Variants in BANK1 observed in about 807,000 individuals in gnomAD.
The protein encoded by BANK1 is B-cell scaffold protein with ankyrin repeats.
Under a neutral mutation model 94.5 loss-of-function variants are expected in BANK1, and 95 were observed. That is an observed-to-expected ratio of 1.00 (90% CI 0.85 to 1.19). The LOEUF is 1.19. Among genes scored for constraint, BANK1 ranks in the 50% most tolerant of loss-of-function variants. The probability of loss-of-function intolerance (pLI) is 0.00; values close to 1 mark genes in which losing one functional copy is unlikely to be tolerated. For synonymous variants in BANK1, 334 were observed against 308.4 expected, an observed-to-expected ratio of 1.08 and a Z score of -0.87; for missense variants, 987 against 932.2, an observed-to-expected ratio of 1.06 and a Z score of -0.77.
intron 7 of BANK1, among the ~76,000 whole-genome samples, chr4:101,969,194 C>A (rs1724866380): frequency 6.6e-6 from 1 of 152,006 alleles, no homozygotes; most frequent in Non-Finnish European, 1.5e-5. Context: ...TGAACTATAG[C>A]TTTCTCTATA....
At chr4:101,900,601 A>G (rs1365698442) in intron 6 of BANK1, among the ~76,000 whole-genome samples, 1 of 152,174 alleles carries the variant, frequency 6.6e-6, no homozygotes, top group Non-Finnish European at 1.5e-5. Flanking sequence ...ATTGTGGGAC[A>G]TACTGATAGA....
intron 12 of BANK1, among the ~76,000 whole-genome samples, chr4:102,060,889 C>G (rs568983934): frequency 6.6e-6 from 1 of 152,254 alleles, no homozygotes; most frequent in African/African-American, 2.4e-5. Flanking sequence ...AAAATAAGCT[C>G]ATCTTCTGTA....
chr4:101,834,420 A>G (rs900999905), intron 2 of BANK1, among the ~76,000 whole-genome samples: 3 of 152,202 alleles, frequency 2.0e-5, no homozygotes, highest in Non-Finnish European at 2.9e-5. Context: ...CAAGAATGCA[A>G]CCAGAAGCAT....
At chr4:102,035,088 T>C in intron 10 of BANK1, among the ~76,000 whole-genome samples, 1 of 152,090 alleles carries the variant, frequency 6.6e-6, no homozygotes, top group East Asian at 1.9e-4. Context: ...CACATCAGTG[T>C]GGGTAGAACA....
chr4:102,049,552 G>T (rs1490018322), intron 11 of BANK1, among the ~76,000 whole-genome samples: 1 of 152,176 alleles, frequency 6.6e-6, no homozygotes, highest in Non-Finnish European at 1.5e-5. Flanking sequence ...CTTATCAAGG[G>T]TGTGTTGTTG....
chr4:102,032,415 T>A (rs1166195434), intron 10 of BANK1: 1 of 152,218 alleles, frequency 6.6e-6, no homozygotes, highest in African/African-American at 2.4e-5. Context: ...TATAATTCAA[T>A]ATCTTTGTTA....
Position 102,001,434 on chromosome 4 carries a change from T to C in BANK1, c.1207-20080T>C, listed in dbSNP as rs143100220. Among the ~76,000 whole-genome samples, 710 of 152,242 alleles carry C rather than the reference T, an allele frequency of 4.7e-3. 13 individuals are homozygous for C. The East Asian group carries it at 0.056, about 12-fold the overall frequency. On this transcript the variant is annotated intron_variant, in intron 7 of 16. Coordinates refer to ENST00000322953, the MANE Select transcript of BANK1 (RefSeq NM_017935.5). ...GGCCAACGTGGTGAAACCCAGTCTC[T>C]ACTAAGAATACAAAAATTAGCTGGG...
At chr4:102,039,484 G>A (rs1344778036) in intron 10 of BANK1, among the ~76,000 whole-genome samples, 1 of 152,036 alleles carries the variant, frequency 6.6e-6, no homozygotes, top group East Asian at 1.9e-4. Context: ...TTGTTTGTTT[G>A]TTTTTTACTT....
chr4:101,799,931 A>G (rs537970260), intron 1 of BANK1, among the ~76,000 whole-genome samples: 60 of 152,238 alleles, frequency 3.9e-4, no homozygotes, highest in African/African-American at 1.4e-3. Flanking sequence ...CGTATACACC[A>G]TGGAATAATA....
chr4:101,884,986 G>C (rs1282836106), intron 5 of BANK1, among the ~76,000 whole-genome samples: 1 of 152,120 alleles, frequency 6.6e-6, no homozygotes, highest in Admixed American at 6.5e-5. Context: ...TGGGTTCACT[G>C]CAACCTCCGC....
intron 2 of BANK1, among the ~76,000 whole-genome samples, chr4:101,839,076 A>G (rs554657771): frequency 6.6e-6 from 1 of 152,326 alleles, no homozygotes; most frequent in African/African-American, 2.4e-5. Flanking sequence ...AAAAATAAAG[A>G]TTTTAAAAGT....
intron 8 of BANK1, among the ~76,000 whole-genome samples, chr4:102,023,997 A>C (rs1726998063): frequency 6.6e-6 from 1 of 152,184 alleles, no homozygotes; most frequent in Admixed American, 6.5e-5. Flanking sequence ...AAAACAAATA[A>C]CTATCCACTC....
chr4:101,817,776 T>C (rs997346421), intron 1 of BANK1, among the ~76,000 whole-genome samples: 1 of 152,216 alleles, frequency 6.6e-6, no homozygotes, highest in Admixed American at 6.5e-5. Context: ...AGACCCAGGA[T>C]GGCTTTGAAT....
chr4:102,000,114 A>G (rs971226335), intron 7 of BANK1, among the ~76,000 whole-genome samples: 2 of 152,152 alleles, frequency 1.3e-5, no homozygotes, highest in African/African-American at 4.8e-5. Flanking sequence ...ATCTGAGGTC[A>G]GGAGTTTGAG....
Position 101,790,895 on chromosome 4 carries a change from G to C in BANK1, c.15G>C (p.Ala5=). Residue 5 remains alanine, a synonymous_variant, in exon 1 of 17, where the codon GCG becomes GCC. Coordinates refer to ENST00000322953, the MANE Select transcript of BANK1 (RefSeq NM_017935.5). The stretch of plus-strand genomic sequence containing the variant: ...CAACCGCCACAATGCTGCCAGCAGC[G>C]CCAGGCAAGGGGCTTGGGAGCCCGG... MLPA[A]PGKGLGSPDP... is the part of the protein sequence containing the mutation. 1 of 1,539,540 alleles carries C rather than the reference G, an allele frequency of 6.5e-7. No individual in the cohort carries two copies. The highest frequency in any genetic ancestry group is 1.2e-5 in the South Asian group (1 of 84,136).
rs1157596417 is a variant in BANK1, at chr4:101,829,851, G to A, written c.114G>A (p.Glu38=). Residue 38 remains glutamate (E), a synonymous_variant, in exon 2 of 17, where the codon GAG becomes GAA. Transcript: ENST00000322953. The stretch of plus-strand genomic sequence containing the variant: ...TAATGATATATGAAGAAGATGCTGA[G>A]GAATGGGCTCTGTACTTGACAGAAG... The part of the protein sequence containing the change: ...DIIMIYEEDA[E]EWALYLTEVF... 4 of 1,592,210 alleles carry A rather than the reference G, an allele frequency of 2.5e-6. No homozygotes were observed. Among genetic ancestry groups the A allele is most frequent in the South Asian group, 2.3e-5 (2 of 87,110 alleles).
chr4:101,933,841 C>G (rs12509274), intron 7 of BANK1, among the ~76,000 whole-genome samples: 10,013 of 151,334 alleles, frequency 0.066, 572 homozygotes, highest in East Asian at 0.19. Context: ...CTGATAGTGC[C>G]CTAACTGTGT....
intron 6 of BANK1, among the ~76,000 whole-genome samples, chr4:101,904,051 G>T (rs944764692): frequency 3.3e-5 from 5 of 152,190 alleles, no homozygotes; most frequent in African/African-American, 1.2e-4. Flanking sequence ...GGAAAATTAT[G>T]GGACTGTTTA....
At chr4:101,913,181 G>C (rs937688487) in intron 6 of BANK1, among the ~76,000 whole-genome samples, 1 of 152,160 alleles carries the variant, frequency 6.6e-6, no homozygotes, top group Non-Finnish European at 1.5e-5. Flanking sequence ...ACACAGCAGA[G>C]ACAAAGTTGG....
Sources: allele counts gnomAD v4.1 joint callset (sites outside exome capture counted in the v4.1 genomes callset), GRCh38; gene constraint gnomAD v4.1.1; transcripts MANE v1.5; gene names NCBI Gene and HGNC (gene_info 2026-07-23, HGNC 2026-07-21).